ADGRB3: variants seen among roughly 807,000 people sequenced by gnomAD.
The protein encoded by ADGRB3 is adhesion G protein-coupled receptor B3.
ADGRB3 carries 37 observed loss-of-function variants against 193.4 expected under a neutral mutation model. That is an observed-to-expected ratio of 0.19 (90% CI 0.15 to 0.25). The LOEUF (loss-of-function observed/expected upper bound fraction) is 0.25, where lower values mean the gene tolerates loss of function less well. ADGRB3 is among the 10% of genes least tolerant of loss of function. The probability of loss-of-function intolerance (pLI) is 1.00; values close to 1 mark genes in which losing one functional copy is unlikely to be tolerated. For synonymous variants in ADGRB3, 690 were observed against 644.2 expected (o/e 1.07, Z -1.08); for missense variants, 1,637 against 1,852.9 (o/e 0.88, Z 2.14).
intron 3 of ADGRB3, among the ~76,000 whole-genome samples, chr6:68,732,697 C>T (rs1765796271): frequency 6.6e-6 from 1 of 151,958 alleles, no homozygotes; most frequent in Non-Finnish European, 1.5e-5. Context: ...ACTCCACCCT[C>T]ACTGTGTAGC....
chr6:68,991,051 C>G (rs1198559564), intron 10 of ADGRB3, among the ~76,000 whole-genome samples: 2 of 151,964 alleles, frequency 1.3e-5, no homozygotes, highest in African/African-American at 4.8e-5. Flanking sequence ...AGCAAAAGGA[C>G]AAGTGCAGCT....
intron 20 of ADGRB3, among the ~76,000 whole-genome samples, chr6:69,262,800 T>G (rs1766957364): frequency 6.6e-6 from 1 of 151,770 alleles, no homozygotes; most frequent in Admixed American, 6.6e-5. Context: ...TAAATTAAAC[T>G]TTACCATAGG....
chr6:69,113,764 T>C (rs971331530), intron 17 of ADGRB3, among the ~76,000 whole-genome samples: 2 of 152,166 alleles, frequency 1.3e-5, no homozygotes, highest in Admixed American at 1.3e-4. Context: ...TGAGTGGCAA[T>C]GGGCATAATT....
intron 3 of ADGRB3, among the ~76,000 whole-genome samples, chr6:68,758,352 T>C (rs1766336088): frequency 2.0e-5 from 3 of 152,214 alleles, no homozygotes; most frequent in South Asian, 4.1e-4. Context: ...ATCTCCTTCA[T>C]TTTGGATCAT....
chr6:69,028,574 G>GA (rs960281990), intron 13 of ADGRB3, among the ~76,000 whole-genome samples: 19 of 151,928 alleles, frequency 1.3e-4, no homozygotes, highest in African/African-American at 4.6e-4. Context: ...TAACTGCTGT[G>GA]AAAAAAAGAG....
At chr6:69,031,564 T>TTTCTTTC (rs1398380007) in intron 13 of ADGRB3, among the ~76,000 whole-genome samples, 4 of 135,752 alleles carry the variant, frequency 2.9e-5, no homozygotes, top group Non-Finnish European at 3.2e-5. Flanking sequence ...TCTTTCTTTC[T>TTTCTTTC]TTTCTTCCTC....
chr6:69,289,598 A>G (rs1334646060), intron 20 of ADGRB3, among the ~76,000 whole-genome samples: 1 of 152,108 alleles, frequency 6.6e-6, no homozygotes, highest in Admixed American at 6.6e-5. Context: ...CTGCATGCCC[A>G]TGGCACCAAA....
chr6:69,364,500 T>G (rs1240799019), intron 29 of ADGRB3, among the ~76,000 whole-genome samples: 2 of 152,086 alleles, frequency 1.3e-5, no homozygotes, highest in African/African-American at 2.4e-5. Context: ...TTCAATAAAT[T>G]CATGAAGTTT....
intron 13 of ADGRB3, among the ~76,000 whole-genome samples, chr6:69,039,665 A>G (rs1390022919): frequency 6.6e-6 from 1 of 152,044 alleles, no homozygotes; most frequent in South Asian, 2.1e-4. Context: ...ATAGTAAACT[A>G]TGTGCATATT....
intron 20 of ADGRB3, among the ~76,000 whole-genome samples, chr6:69,316,639 G>C (rs2127303211): frequency 6.6e-6 from 1 of 151,598 alleles, no homozygotes; most frequent in African/African-American, 2.4e-5. Flanking sequence ...CAAAGTTTTT[G>C]TGGCCTGCTG....
At chr6:68,785,843 G>A (rs540222499) in intron 3 of ADGRB3, among the ~76,000 whole-genome samples, 86 of 152,098 alleles carry the variant, frequency 5.7e-4, no homozygotes, top group East Asian at 1.7e-3. Flanking sequence ...TTTAATGATC[G>A]CCATTCTAAC....
intron 3 of ADGRB3, among the ~76,000 whole-genome samples, chr6:68,730,249 A>G (rs1238020302): frequency 2.6e-5 from 4 of 151,680 alleles, no homozygotes; most frequent in African/African-American, 7.2e-5. Flanking sequence ...AAGTACTTTC[A>G]GTTTTCTAGA....
intron 3 of ADGRB3, among the ~76,000 whole-genome samples, chr6:68,913,617 ACT>A (rs1371055662): frequency 1.3e-5 from 2 of 152,200 alleles, no homozygotes; most frequent in African/African-American, 4.8e-5. Flanking sequence ...AAACCTGGAA[ACT>A]CTAAAAATCA....
At position 69,004,623 on chromosome 6, in the gene ADGRB3, C is replaced by T. The variant is rs138780380; in HGVS notation, c.1930-9415C>T. ...GTTCCCCACCCTGTGTCCAAGTGTT[C>T]TCATTGTTCAGTTCCCACCTATGAG... is the stretch of plus-strand genomic sequence containing the variant. On this transcript the variant is annotated intron_variant, in intron 11 of 31. Transcript: ENST00000370598. Among the ~76,000 whole-genome samples the T allele has an allele frequency of 6.2e-3, 868 of 140,850 alleles. 7 individuals carry two copies. The highest frequency in any genetic ancestry group is 0.021 in the African/African-American group (794 of 38,326). The allele number at this position is 140,850 out of a possible 152,430, so 92.4% of individuals were successfully genotyped here.
intron 20 of ADGRB3, among the ~76,000 whole-genome samples, chr6:69,258,649 A>G (rs1208894141): frequency 6.6e-6 from 1 of 152,282 alleles, no homozygotes; most frequent in Non-Finnish European, 1.5e-5. Context: ...TGTTACAAAC[A>G]TTTTTAAAAG....
chr6:68,772,857 A>ACAAC (rs1766645667), intron 3 of ADGRB3, among the ~76,000 whole-genome samples: 1 of 19,622 alleles, frequency 5.1e-5, no homozygotes, highest in Non-Finnish European at 1.0e-4. Flanking sequence ...ATTTCTAAAA[A>ACAAC]CAAACAAACA....
intron 17 of ADGRB3, among the ~76,000 whole-genome samples, chr6:69,127,895 G>GTTT (rs778494378): frequency 1.4e-4 from 12 of 84,654 alleles, no homozygotes; most frequent in East Asian, 2.8e-3. Flanking sequence ...CAAGATAATA[G>GTTT]TTTTTTTTTT....
intron 3 of ADGRB3, among the ~76,000 whole-genome samples, chr6:68,856,111 C>T (rs752633587): frequency 1.5e-4 from 23 of 152,202 alleles, no homozygotes; most frequent in Non-Finnish European, 2.8e-4. Context: ...TCCTCCTTGC[C>T]TTCCACCATG....
intron 3 of ADGRB3, among the ~76,000 whole-genome samples, chr6:68,910,178 G>T (rs1276595798): frequency 2.6e-5 from 4 of 152,146 alleles, no homozygotes; most frequent in Non-Finnish European, 5.9e-5. Flanking sequence ...ATTTTTTCAT[G>T]TGTCTTTTGG....
Sources: allele counts gnomAD v4.1 joint callset (sites outside exome capture counted in the v4.1 genomes callset), GRCh38; gene constraint gnomAD v4.1.1; transcripts MANE v1.5; gene names NCBI Gene and HGNC (gene_info 2026-07-23, HGNC 2026-07-21).